The following DLG2 variants were observed in gnomAD, a reference collection of about 807,000 sequenced individuals.
DLG2 encodes disks large homolog 2.
In DLG2, 45 loss-of-function variants were observed where a neutral mutation model predicts 132.5. The ratio of observed to expected loss-of-function variants is 0.34; its 90% CI spans 0.27 to 0.44. The LOEUF is 0.44. DLG2 is among the 20% of genes least tolerant of loss of function. The pLI is 1.00. For synonymous variants in DLG2, 424 were observed against 419.6 expected (o/e 1.01, Z -0.13); for missense variants, 1,045 against 1,196.9 (o/e 0.87, Z 1.87).
At chr11:84,970,303 T>C (rs2053913343) in intron 6 of DLG2, among the ~76,000 whole-genome samples, 1 of 152,154 alleles carries the variant, frequency 6.6e-6, no homozygotes, top group African/African-American at 2.4e-5. Context: ...ACACTGTCTC[T>C]ACTCCTCTTC....
intron 2 of DLG2, among the ~76,000 whole-genome samples, chr11:85,623,984 A>T (rs2081901677): frequency 6.6e-6 from 1 of 152,172 alleles, no homozygotes; most frequent in African/African-American, 2.4e-5. Flanking sequence ...TATGTCCAAG[A>T]TTGTCCCAAG....
chr11:83,834,612 G>A (rs1317945325), intron 16 of DLG2, among the ~76,000 whole-genome samples: 6 of 152,154 alleles, frequency 3.9e-5, no homozygotes, highest in Admixed American at 3.9e-4. Context: ...GAGATATCCA[G>A]GTGGAGATGT....
chr11:85,042,046 T>C (rs1390548163), intron 6 of DLG2, among the ~76,000 whole-genome samples: 2 of 151,918 alleles, frequency 1.3e-5, no homozygotes, highest in Non-Finnish European at 2.9e-5. Context: ...TTCATCCATG[T>C]AACCAAAATC....
At chr11:85,526,401 A>T (rs2074748964) in intron 3 of DLG2, among the ~76,000 whole-genome samples, 1 of 152,160 alleles carries the variant, frequency 6.6e-6, no homozygotes, top group Admixed American at 6.6e-5. Context: ...ATCTTTAAAG[A>T]CCTGACAGAA....
chr11:85,146,957 A>G (rs996453217), intron 5 of DLG2, among the ~76,000 whole-genome samples: 1 of 152,182 alleles, frequency 6.6e-6, no homozygotes, highest in Non-Finnish European at 1.5e-5. Context: ...TCATCTGTGG[A>G]CACCGGTGGA....
chr11:83,656,298 C>T (rs1010416324), intron 18 of DLG2, among the ~76,000 whole-genome samples: 4 of 152,168 alleles, frequency 2.6e-5, no homozygotes, highest in South Asian at 2.1e-4. Context: ...ATGCCAGGCC[C>T]GGTTGAATCC....
intron 21 of DLG2, among the ~76,000 whole-genome samples, chr11:83,503,994 C>A (rs1181769374): frequency 6.6e-6 from 1 of 152,104 alleles, no homozygotes; most frequent in Admixed American, 6.5e-5. Flanking sequence ...AATCTCCAAC[C>A]CAAATACTAT....
chr11:85,554,356 T>C (rs1446133723), intron 3 of DLG2, among the ~76,000 whole-genome samples: 1 of 151,876 alleles, frequency 6.6e-6, no homozygotes, highest in Non-Finnish European at 1.5e-5. Flanking sequence ...GATAATATTA[T>C]GAACTAACTT....
chr11:85,003,822 T>C (rs1157007728), intron 6 of DLG2, among the ~76,000 whole-genome samples: 2 of 152,188 alleles, frequency 1.3e-5, no homozygotes, highest in African/African-American at 2.4e-5. Flanking sequence ...GCTGCACCCA[T>C]CAACCTGTCA....
intron 21 of DLG2, among the ~76,000 whole-genome samples, chr11:83,522,705 T>G (rs953349011): frequency 6.6e-6 from 1 of 151,980 alleles, no homozygotes; most frequent in Non-Finnish European, 1.5e-5. Context: ...TTCTCCAGAG[T>G]TTATTATTAT....
intron 3 of DLG2, among the ~76,000 whole-genome samples, chr11:85,374,437 G>A (rs531826340): frequency 6.6e-6 from 1 of 152,250 alleles, no homozygotes; most frequent in African/African-American, 2.4e-5. Flanking sequence ...ACCAATATGA[G>A]GTAAAATGTA....
At chr11:83,511,031 G>GA (rs33969673) in intron 21 of DLG2, among the ~76,000 whole-genome samples, 2,389 of 129,866 alleles carry the variant, frequency 0.018, 125 homozygotes, top group African/African-American at 0.059. Context: ...TACGTTTTGA[G>GA]AAAAAAAAAA....
At chr11:83,849,136 A>G (rs1350913085) in intron 16 of DLG2, among the ~76,000 whole-genome samples, 1 of 152,076 alleles carries the variant, frequency 6.6e-6, no homozygotes, top group Non-Finnish European at 1.5e-5. Context: ...TTTGCCATTT[A>G]TTAGCTACAA....
At chr11:84,853,028 T>G (rs1188384300) in intron 6 of DLG2, among the ~76,000 whole-genome samples, 1 of 152,044 alleles carries the variant, frequency 6.6e-6, no homozygotes, top group Admixed American at 6.6e-5. Context: ...TTCCAGGTGC[T>G]TCACACAGTT....
intron 6 of DLG2, among the ~76,000 whole-genome samples, chr11:85,063,572 A>T (rs1482958836): frequency 6.6e-6 from 1 of 151,834 alleles, no homozygotes; most frequent in Non-Finnish European, 1.5e-5. Context: ...TTATATGGTT[A>T]TTGGCTTAGG....
chr11:83,589,931 G>C (rs1323357626), intron 19 of DLG2, among the ~76,000 whole-genome samples: 2 of 145,594 alleles, frequency 1.4e-5, no homozygotes, highest in Admixed American at 1.4e-4. Context: ...AATTCAACAA[G>C]AAGAGCTAAC....
rs117761031 is a variant in DLG2, at chr11:85,023,772, C to T, written c.357+87889G>A. Among the ~76,000 whole-genome samples, 390 of 152,010 alleles carry T rather than the reference C, an allele frequency of 2.6e-3. 1 individual carries two copies. Among genetic ancestry groups the T allele is most frequent in the Non-Finnish European group, 4.6e-3 (311 of 67,930 alleles). ...TAGGATAGAGATATATTTAAAAATACTAGTAACTTATTGAGCATCAAAATA... is the reference window on the plus strand; with the variant it reads ...TAGGATAGAGATATATTTAAAAATATTAGTAACTTATTGAGCATCAAAATA... On this transcript the variant is annotated intron_variant, in intron 6 of 27. Transcript: ENST00000376104.
chr11:85,082,583 T>G (rs2067374725), intron 6 of DLG2, among the ~76,000 whole-genome samples: 1 of 152,074 alleles, frequency 6.6e-6, no homozygotes, highest in Non-Finnish European at 1.5e-5. Context: ...TCAGAGTCAT[T>G]AGAAGCCTTC....
At chr11:84,745,026 G>GA (rs575366388) in intron 6 of DLG2, among the ~76,000 whole-genome samples, 10,414 of 144,408 alleles carry the variant, frequency 0.072, 451 homozygotes, top group Non-Finnish European at 0.11. Context: ...GAATAAAGGT[G>GA]AAAAAAAAAA....
Sources: allele counts gnomAD v4.1 joint callset (sites outside exome capture counted in the v4.1 genomes callset), GRCh38; gene constraint gnomAD v4.1.1; transcripts MANE v1.5; gene names NCBI Gene and HGNC (gene_info 2026-07-23, HGNC 2026-07-21).